Variants in NUDT5 observed in about 807,000 individuals in gnomAD.
The protein encoded by NUDT5 is ADP-sugar pyrophosphatase.
Under a neutral mutation model 34.1 loss-of-function variants are expected in NUDT5, and 21 were observed. That is an observed-to-expected ratio of 0.62 (90% confidence interval 0.44 to 0.89). The LOEUF is 0.89. Among genes scored for constraint, NUDT5 ranks in the 40% least tolerant of loss-of-function variants. NUDT5 has a pLI of 0.00. For synonymous variants in NUDT5, 85 were observed against 97.6 expected (o/e 0.87, Z 0.76); for missense variants, 249 against 274.8 (o/e 0.91, Z 0.66).
At chr10:12,167,870 A>G in intron 9 of NUDT5, 59 bp from the exon 10 acceptor site, 1 of 1,605,294 alleles carries the variant, frequency 6.2e-7, no homozygotes. Flanking sequence ...AAAACATCTT[A>G]TTCAATCAGT....
chr10:12,188,069 T>G (rs1244039023), intron 1 of NUDT5, among the ~76,000 whole-genome samples: 1 of 149,526 alleles, frequency 6.7e-6, no homozygotes, highest in Non-Finnish European at 1.5e-5. Context: ...GACCCAGGAG[T>G]TGGGGGTTGC....
At chr10:12,194,163 C>G (rs546873499) in intron 1 of NUDT5, among the ~76,000 whole-genome samples, 1 of 152,390 alleles carries the variant, frequency 6.6e-6, no homozygotes, top group East Asian at 1.9e-4. Flanking sequence ...GCATGAGGCA[C>G]CGCGCCCGGC....
chr10:12,176,781 G>A (rs550653989), intron 5 of NUDT5, among the ~76,000 whole-genome samples: 8 of 152,208 alleles, frequency 5.3e-5, no homozygotes, highest in South Asian at 2.1e-4. Flanking sequence ...GCCTGTTTCC[G>A]CACAGCAGAG....
At chr10:12,178,493 C>G (rs1834991550) in intron 4 of NUDT5, among the ~76,000 whole-genome samples, 1 of 152,324 alleles carries the variant, frequency 6.6e-6, no homozygotes, top group South Asian at 2.1e-4. Flanking sequence ...CCAGCAGCAG[C>G]AGCATAGCTA....
At chr10:12,189,474 T>A (rs1835186013) in intron 1 of NUDT5, among the ~76,000 whole-genome samples, 1 of 152,202 alleles carries the variant, frequency 6.6e-6, no homozygotes, top group South Asian at 2.1e-4. Flanking sequence ...AGCAATCCAC[T>A]GATTCCGTGA....
In NUDT5 at chr10:12,177,047, A is replaced by G. The variant is rs1834962009; in HGVS notation, c.289+746T>C. 2.0e-5 allele frequency among the ~76,000 whole-genome samples: 3 copies of G among 149,930 alleles called. No individual in the cohort carries two copies. In the South Asian group the frequency reaches 6.4e-4, roughly 32 times the overall value. On this transcript the variant is annotated intron_variant, in intron 5 of 9. Transcript: ENST00000491614. ...TGAGGCAGGAGAATCGCTTGAACCC[A>G]GGAGGCGGAGGTTGCAGTGAGCCGA...
At chr10:12,184,362 T>C in intron 3 of NUDT5, 1 of 600,658 alleles carries the variant, frequency 1.7e-6, no homozygotes, top group Non-Finnish European at 2.5e-6. Context: ...CACCTGGCCC[T>C]TAACACTTTG....
At chr10:12,193,591 C>A (rs1259579904) in intron 1 of NUDT5, among the ~76,000 whole-genome samples, 1 of 152,102 alleles carries the variant, frequency 6.6e-6, no homozygotes. Context: ...ATACAGTGAA[C>A]CCTCATTTAG....
At position 12,171,016 on chromosome 10, in the gene NUDT5, G is replaced by A; in HGVS notation, c.488-108C>T. 3 of 1,147,796 alleles carry A rather than the reference G, an allele frequency of 2.6e-6. No individual in the cohort carries two copies. The highest frequency in any genetic ancestry group is 3.8e-6 in the Non-Finnish European group (3 of 792,914). 71.1% of individuals were successfully genotyped at this position (1,147,796 alleles called of 1,614,324 possible). On this transcript the variant is annotated intron_variant, in intron 7 of 9. Transcript: ENST00000491614. The surrounding 1 kb of genome is among the most constrained non-coding windows in gnomAD (Gnocchi z 4.2). ...GGCTTTGAGAATTTCACAGAAGCCTGGGTTTCTGCTAACTTAATTTATATA... is the reference window on the plus strand; with the variant it reads ...GGCTTTGAGAATTTCACAGAAGCCTAGGTTTCTGCTAACTTAATTTATATA...
chr10:12,169,656 G>A lies in NUDT5; in HGVS notation c.550+1061C>T. ...CCTTAGGTCTAGTTTTTGGAAAGGT[G>A]AAGCAGGAGTGGAAGCTCTCTAAGG... On this transcript the variant is annotated intron_variant, in intron 9 of 9. Coordinates refer to ENST00000491614, the MANE Select transcript of NUDT5 (RefSeq NM_014142.4). The surrounding 1 kb of genome is among the most constrained non-coding windows in gnomAD (Gnocchi z 4.8). 1 of 248,744 alleles carries A rather than the reference G, an allele frequency of 4.0e-6. No individual in the cohort carries two copies. The highest frequency in any genetic ancestry group is 7.6e-6 in the Non-Finnish European group (1 of 131,180). 15.4% of individuals were successfully genotyped at this position (248,744 alleles called of 1,614,324 possible).
intron 5 of NUDT5, among the ~76,000 whole-genome samples, chr10:12,176,446 A>G (rs1834951432): frequency 6.6e-6 from 1 of 151,234 alleles, no homozygotes; most frequent in Non-Finnish European, 1.5e-5. Flanking sequence ...TCTACTAAAA[A>G]TACAAAAATT....
At chr10:12,188,787 C>T (rs541571090) in intron 1 of NUDT5, among the ~76,000 whole-genome samples, 6 of 151,504 alleles carry the variant, frequency 4.0e-5, no homozygotes, top group African/African-American at 1.5e-4. Flanking sequence ...CTCACTCCCC[C>T]GGACCTCATT....
chr10:12,167,876 T>G (rs1834745309), intron 9 of NUDT5, 65 bp from the exon 10 acceptor site: 1 of 1,602,358 alleles, frequency 6.2e-7, no homozygotes, highest in African/African-American at 1.3e-5. Context: ...TCTTATTCAA[T>G]CAGTGTTTGC....
rs1157819748 is a variant in NUDT5 at position 12,171,810 on chromosome 10, C to T, written c.488-902G>A. Among the ~76,000 whole-genome samples, 1 of 151,426 alleles carries T rather than the reference C, an allele frequency of 6.6e-6. No homozygotes were observed. Among genetic ancestry groups the T allele is most frequent in the African/African-American group, 2.4e-5 (1 of 41,154 alleles). On this transcript the variant is annotated intron_variant, in intron 7 of 9. Coordinates refer to ENST00000491614, the MANE Select transcript of NUDT5 (RefSeq NM_014142.4). This position sits in a 1 kb window ranked among gnomAD's most constrained non-coding sequence, Gnocchi z 4.2. ...TGTGATCTTGACTCACTGCAACCTC[C>T]GCCTCCTGGGTTCAAGTGATTCTTG...
At chr10:12,177,942 G>A in intron 4 of NUDT5, 42 bp from the exon 5 acceptor site, 1 of 1,440,114 alleles carries the variant, frequency 6.9e-7, no homozygotes, top group East Asian at 2.3e-5. Context: ...CTAATGAGAG[G>A]TCAGCAATGC....
intron 3 of NUDT5, among the ~76,000 whole-genome samples, chr10:12,179,902 G>A (rs998507891): frequency 6.6e-6 from 1 of 152,200 alleles, no homozygotes; most frequent in African/African-American, 2.4e-5. Flanking sequence ...AGGCATAAAA[G>A]GAACATTCTC....
At position 12,177,778 on chromosome 10, in the gene NUDT5, T is replaced by C. The variant is rs764818811; in HGVS notation, c.289+15A>G. ...CCAACATCCCTAAGAAGCAATTCGA[T>C]GTTGAGTGACTCACCTGCAGGGAAC... On this transcript the variant is annotated intron_variant, in intron 5 of 9. Transcript: ENST00000491614. 27 of 1,583,730 alleles carry C rather than the reference T, an allele frequency of 1.7e-5. No homozygotes were observed. The Admixed American group carries it at 1.8e-4, about 11-fold the overall frequency.
rs548202285 is a variant in NUDT5, at chr10:12,193,926, G to C, written c.-42+1844C>G. On this transcript the variant is annotated intron_variant, in intron 1 of 9. Transcript: ENST00000491614. ...AGAGTCTCGCTCTGTTGCCAGGCTG[G>C]AGTGCAGTGGCGCGATCTCGGCTCA... Among the ~76,000 whole-genome samples the C allele has an allele frequency of 6.6e-4, 100 of 151,798 alleles. 1 individual carries two copies. The highest frequency in any genetic ancestry group is 2.2e-3 in the African/African-American group (93 of 41,350).
At chr10:12,178,945 C>T (rs1484273361) in intron 4 of NUDT5, 138 bp downstream of exon 4, 8 of 726,580 alleles carry the variant, frequency 1.1e-5, no homozygotes, top group Non-Finnish European at 1.7e-5. Flanking sequence ...AATTTCGTTA[C>T]ATAGTATGGC....
Sources: allele counts gnomAD v4.1 joint callset (sites outside exome capture counted in the v4.1 genomes callset), GRCh38; gene constraint gnomAD v4.1.1; non-coding constraint Gnocchi (gnomAD v3.1); transcripts MANE v1.5; gene names NCBI Gene and HGNC (gene_info 2026-07-23, HGNC 2026-07-21).